Variants in ARL15 observed in about 807,000 individuals in gnomAD.
ARL15 encodes ADP-ribosylation factor-like protein 15.
ARL15 carries 19 observed loss-of-function variants against 25.2 expected under a neutral mutation model. The observed-to-expected ratio is 0.75, with a 90% confidence interval of 0.53 to 1.10. ARL15 has a LOEUF of 1.10. Ranked by LOEUF, ARL15 falls within the 50% of genes least tolerant of loss-of-function variation. The probability of loss-of-function intolerance (pLI) is 0.00; values close to 1 mark genes in which losing one functional copy is unlikely to be tolerated. For missense variants in ARL15, 220 were observed against 246.0 expected, an observed-to-expected ratio of 0.89 and a Z score of 0.71; for synonymous variants, 94 against 86.8, an observed-to-expected ratio of 1.08 and a Z score of -0.46.
chr5:54,238,646 A>G (rs1446991140), intron 1 of ARL15, among the ~76,000 whole-genome samples: 2 of 152,260 alleles, frequency 1.3e-5, no homozygotes, highest in South Asian at 4.1e-4. Context: ...CCGACTTCAC[A>G]GACCAACTGT....
At chr5:53,941,654 C>T (rs1443656566) in intron 4 of ARL15, among the ~76,000 whole-genome samples, 1 of 152,174 alleles carries the variant, frequency 6.6e-6, no homozygotes, top group African/African-American at 2.4e-5. Context: ...CCAGAACCCA[C>T]AAATTTGCCA....
At chr5:54,025,287 C>CAAAAAAAAAAAAAA (rs756211559) in intron 4 of ARL15, among the ~76,000 whole-genome samples, 1 of 80,192 alleles carries the variant, frequency 1.2e-5, no homozygotes, top group Non-Finnish European at 2.5e-5. Context: ...ACAAAGGGAC[C>CAAAAAAAAAAAAAA]AAAAAAAAAA....
At chr5:54,049,341 T>G (rs566441603) in intron 4 of ARL15, among the ~76,000 whole-genome samples, 2 of 151,754 alleles carry the variant, frequency 1.3e-5, no homozygotes, top group South Asian at 2.1e-4. Context: ...CAGGCAATCT[T>G]TCCACCCTAG....
chr5:53,938,468 A>G (rs1746426373), intron 4 of ARL15, among the ~76,000 whole-genome samples: 1 of 152,228 alleles, frequency 6.6e-6, no homozygotes, highest in African/African-American at 2.4e-5. Flanking sequence ...CCTTTTCAGT[A>G]TTTTGCATAC....
At chr5:53,943,021 G>T (rs1746596162) in intron 4 of ARL15, among the ~76,000 whole-genome samples, 1 of 152,100 alleles carries the variant, frequency 6.6e-6, no homozygotes, top group African/African-American at 2.4e-5. Flanking sequence ...AGGCAACAAA[G>T]AGACAATAAA....
chr5:54,180,823 G>A lies in ARL15; in HGVS notation c.49-8895C>T, dbSNP rs185464289. Among the ~76,000 whole-genome samples the A allele has an allele frequency of 9.7e-4, 148 of 152,252 alleles. 1 individual carries two copies. Among genetic ancestry groups the A allele is most frequent in the Middle Eastern group, 3.4e-3 (1 of 294 alleles). On this transcript the variant is annotated intron_variant, in intron 1 of 4. Transcript: ENST00000504924. ...CCTGTCTCTGTCCCTATTAACTCGT[G>A]GCAACAAAAGAAACAAACAGAAGCA...
At chr5:53,995,695 C>G (rs1008135712) in intron 4 of ARL15, among the ~76,000 whole-genome samples, 1 of 152,166 alleles carries the variant, frequency 6.6e-6, no homozygotes, top group Non-Finnish European at 1.5e-5. Context: ...GAGGATGCTC[C>G]TGGCATTTAA....
chr5:54,218,610 C>A (rs1222578069), intron 1 of ARL15, among the ~76,000 whole-genome samples: 1 of 152,130 alleles, frequency 6.6e-6, no homozygotes, highest in Non-Finnish European at 1.5e-5. Context: ...AGCATAAAAA[C>A]CCCTTAGGGT....
chr5:54,024,700 T>C (rs1224131802), intron 4 of ARL15, among the ~76,000 whole-genome samples: 1 of 152,164 alleles, frequency 6.6e-6, no homozygotes, highest in African/African-American at 2.4e-5. Context: ...TGGTTACTCA[T>C]ATTTAACCAG....
chr5:54,119,472 A>G (rs1258628019), intron 3 of ARL15, among the ~76,000 whole-genome samples: 1 of 152,176 alleles, frequency 6.6e-6, no homozygotes, highest in Non-Finnish European at 1.5e-5. Flanking sequence ...GAACCAAGAT[A>G]CTTACCTAGA....
chr5:54,245,918 T>C (rs1410916786), intron 1 of ARL15, among the ~76,000 whole-genome samples: 1 of 152,188 alleles, frequency 6.6e-6, no homozygotes, highest in East Asian at 1.9e-4. Context: ...TCCATCATAA[T>C]TCTATGGTAA....
chr5:54,207,545 T>C (rs1755904458), intron 1 of ARL15, among the ~76,000 whole-genome samples: 1 of 152,218 alleles, frequency 6.6e-6, no homozygotes, highest in African/African-American at 2.4e-5. Context: ...TTCCACTTTC[T>C]CCTAAAACTG....
intron 1 of ARL15, among the ~76,000 whole-genome samples, chr5:54,265,945 A>G (rs1216979644): frequency 6.6e-6 from 1 of 152,212 alleles, no homozygotes; most frequent in Non-Finnish European, 1.5e-5. Flanking sequence ...TACTATTCGT[A>G]TTTACAGATG....
rs201267750 is a variant in ARL15, at chr5:54,221,174, C to CT, written c.49-49247dup. ...CTTGCTAGTTAAGAACAACTAACAA[C>CT]TTTCTTGTATGTTAGGACTCAAAAT... On this transcript the variant is annotated intron_variant, in intron 1 of 4. Transcript: ENST00000504924. 4.9e-4 allele frequency among the ~76,000 whole-genome samples: 75 copies of CT among 152,258 alleles called. No homozygotes were observed. In the East Asian group the frequency reaches 0.014, roughly 29 times the overall value.
chr5:54,298,572 T>C (rs1164582996), intron 1 of ARL15, among the ~76,000 whole-genome samples: 1 of 152,010 alleles, frequency 6.6e-6, no homozygotes, highest in Admixed American at 6.6e-5. Context: ...GTTCCAGCCC[T>C]TTCTCTTCTC....
intron 4 of ARL15, among the ~76,000 whole-genome samples, chr5:54,023,888 G>C (rs1442035392): frequency 6.6e-6 from 1 of 152,152 alleles, no homozygotes; most frequent in Non-Finnish European, 1.5e-5. Flanking sequence ...CTGCTCTGCT[G>C]GCCCAACAGA....
intron 3 of ARL15, among the ~76,000 whole-genome samples, chr5:54,138,956 C>T (rs1043811258): frequency 1.3e-5 from 2 of 151,940 alleles, no homozygotes; most frequent in Non-Finnish European, 2.9e-5. Flanking sequence ...GCAAATTAAA[C>T]TCATAAGATA....
At chr5:54,056,952 A>G (rs1312535346) in intron 4 of ARL15, among the ~76,000 whole-genome samples, 1 of 152,182 alleles carries the variant, frequency 6.6e-6, no homozygotes, top group Admixed American at 6.5e-5. Context: ...ATGAACACAA[A>G]CATATACACA....
intron 4 of ARL15, among the ~76,000 whole-genome samples, chr5:53,967,931 T>C (rs888404435): frequency 3.3e-5 from 5 of 152,162 alleles, no homozygotes; most frequent in Non-Finnish European, 7.4e-5. Context: ...ACCAAAGAAG[T>C]AGTCCTGTAA....
Sources: gnomAD v4.1 joint callset for allele counts (sites outside exome capture counted in the v4.1 genomes callset) on GRCh38, gnomAD v4.1.1 for gene constraint, MANE v1.5 for transcripts, NCBI Gene and HGNC (gene_info 2026-07-23, HGNC 2026-07-21) for gene names.